The following AP5M1 variants were observed in gnomAD, a reference collection of about 807,000 sequenced individuals.
The protein encoded by AP5M1 is AP-5 complex subunit mu-1.
In AP5M1, 44 loss-of-function variants were observed where a neutral mutation model predicts 52.3. The ratio of observed to expected loss-of-function variants is 0.84; its 90% CI spans 0.66 to 1.08. The LOEUF is 1.08. Among genes scored for constraint, AP5M1 ranks in the 50% least tolerant of loss-of-function variants. The pLI is 0.00. For synonymous variants in AP5M1, 213 were observed against 199.0 expected (o/e 1.07, Z -0.59); for missense variants, 526 against 568.4 (o/e 0.93, Z 0.76).
At position 57,297,232 on chromosome 14, in the gene AP5M1, CTAAAT is replaced by C. The variant is rs969473852; in HGVS notation, c.*8354_*8358del. The C allele has an allele frequency of 6.6e-6, 1 of 151,816 alleles. No homozygotes were observed. The highest frequency in any genetic ancestry group is 1.5e-5 in the Non-Finnish European group (1 of 67,948). 9.4% of individuals were successfully genotyped at this position (151,816 alleles called of 1,614,324 possible). On this transcript the variant is annotated 3_prime_UTR_variant, in exon 8 of 8. Transcript: ENST00000261558. ...ATATTTAATTTATTATACTGAAATA[CTAAAT>C]TAAATACAAAAAAACTCCTACATAC...
Position 57,282,177 on chromosome 14 carries a change from G to A in AP5M1, c.1037G>A (p.Ser346Asn). The change falls in exon 4 of 8, where the codon AGT becomes AAT. Residue 346 changes from serine to asparagine, a missense_variant. Coordinates refer to ENST00000261558, the MANE Select transcript of AP5M1 (RefSeq NM_018229.4). ...ACCATTAATTTAAAACTTCATGAAAGTGTGAAAAATAATTTTGAATTCTGT... is the reference window on the plus strand; with the variant it reads ...ACCATTAATTTAAAACTTCATGAAAATGTGAAAAATAATTTTGAATTCTGT... The part of the protein sequence containing the change: ...RITINLKLHE[S>N]VKNNFEFCEA... The A allele has an allele frequency of 7.6e-6, 12 of 1,576,084 alleles. No individual in the cohort carries two copies. Among genetic ancestry groups the A allele is most frequent in the Non-Finnish European group, 1.0e-5 (12 of 1,165,766 alleles).
At chr14:57,283,604 T>G (rs560214860) in intron 6 of AP5M1, among the ~76,000 whole-genome samples, 17 of 152,100 alleles carry the variant, frequency 1.1e-4, no homozygotes, top group Admixed American at 2.6e-4. Flanking sequence ...ACAAGGGTTT[T>G]TTTGTTTGTT....
rs935563988 is a variant in AP5M1, at chr14:57,290,287, A to G, written c.*1403A>G. On this transcript the variant is annotated 3_prime_UTR_variant, in exon 8 of 8. Transcript: ENST00000261558. ...AAGGTTCTATGTTCAAAATTATCCC[A>G]AGTAACAAAGAAAAAAAGAATAACT... The G allele has an allele frequency of 2.0e-5, 3 of 152,002 alleles. No homozygotes were observed. Among genetic ancestry groups the G allele is most frequent in the African/African-American group, 7.2e-5 (3 of 41,432 alleles). 9.4% of individuals were successfully genotyped at this position (152,002 alleles called of 1,614,324 possible). A position where few individuals can be genotyped will look rare whatever the true frequency, so the allele number is the denominator to read the frequency against.
Position 57,271,699 on chromosome 14 carries a change from G to A in AP5M1, c.74+2311G>A, listed in dbSNP as rs528990232. Among the ~76,000 whole-genome samples, 8 of 152,250 alleles carry A rather than the reference G, an allele frequency of 5.3e-5. No individual in the cohort carries two copies. The South Asian group carries it at 1.7e-3, about 32-fold the overall frequency. On this transcript the variant is annotated intron_variant, in intron 1 of 7. Coordinates refer to ENST00000261558, the MANE Select transcript of AP5M1 (RefSeq NM_018229.4). ...TTTGATGCAATCAAACTAGTTAATT[G>A]CTTTTGGGAATTTGTTGAAGTTTTT...
chr14:57,273,606 T>C (rs1234467192), intron 1 of AP5M1: 1 of 615,896 alleles, frequency 1.6e-6, no homozygotes, highest in South Asian at 2.0e-5. Flanking sequence ...ACTCAGAATA[T>C]GCAAAAACAT....
At position 57,290,182 on chromosome 14, in the gene AP5M1, T is replaced by C. The variant is rs1885407927; in HGVS notation, c.*1298T>C. 6.6e-6 allele frequency: 1 copy of C among 151,936 alleles called. No individual in the cohort carries two copies. The highest frequency in any genetic ancestry group is 2.1e-4 in the South Asian group (1 of 4,820). The allele number at this position is 151,936 out of a possible 1,614,324, so 9.4% of individuals were successfully genotyped here. The stretch of plus-strand genomic sequence containing the variant: ...AGTTTAAAGGTATAGGGCATATAAA[T>C]TTAGGATTTGAAATATGATTTTTTA... On this transcript the variant is annotated 3_prime_UTR_variant, in exon 8 of 8. Transcript: ENST00000261558.
At chr14:57,285,308 A>G (rs1215222541) in intron 6 of AP5M1, among the ~76,000 whole-genome samples, 1 of 152,202 alleles carries the variant, frequency 6.6e-6, no homozygotes, top group Non-Finnish European at 1.5e-5. Flanking sequence ...CACACATTCT[A>G]TGTCCTTCAA....
chr14:57,274,857 AC>A lies in AP5M1; in HGVS notation c.689del (p.Thr230AsnfsTer8), dbSNP rs773222664. 5 of 1,614,094 alleles carry A rather than the reference AC, an allele frequency of 3.1e-6. No individual in the cohort carries two copies. In the East Asian group the frequency reaches 8.9e-5, roughly 29 times the overall value. On this transcript the variant is annotated frameshift_variant, in exon 2 of 8. Coordinates refer to ENST00000261558, the MANE Select transcript of AP5M1 (RefSeq NM_018229.4). LOFTEE classifies it high-confidence loss of function. ...MQYDKQGIADTWQVVGTVTCK... is the reference protein window; with the variant it reads ...MQYDKQGIADXWQVVGTVTCK... ...ATATGATAAACAGGGTATAGCAGAT[AC>A]ATGGCAAGTTGTTGGAACAGTGACT...
intron 1 of AP5M1, among the ~76,000 whole-genome samples, chr14:57,272,397 C>T (rs1420342971): frequency 6.6e-6 from 1 of 152,148 alleles, no homozygotes; most frequent in Non-Finnish European, 1.5e-5. Flanking sequence ...TTTCCTATAA[C>T]AAAACTTGGT....
rs377254820 is a variant in AP5M1 at position 57,275,074 on chromosome 14, T to C, written c.720+185T>C. The C allele has an allele frequency of 7.8e-6, 5 of 642,592 alleles. No individual in the cohort carries two copies. The South Asian group carries it at 7.9e-5, about 10-fold the overall frequency. 39.8% of individuals were successfully genotyped at this position (642,592 alleles called of 1,614,324 possible). On this transcript the variant is annotated intron_variant, in intron 2 of 7. Transcript: ENST00000261558. ...CCTTACCAATTATATTAGTTATCTG[T>C]GGCTGTGTAAAGAATTGTCTCATTG...
Position 57,274,291 on chromosome 14 carries a change from G to C in AP5M1, c.122G>C (p.Ser41Thr). 1.2e-6 allele frequency: 2 copies of C among 1,614,138 alleles called. No homozygotes were observed. The highest frequency in any genetic ancestry group is 1.1e-5 in the South Asian group (1 of 91,080). ...EKRARVFNGA[S>T]YVPVPEDGPF... ...CGAGCCAGAGTCTTCAATGGAGCAA[G>C]TTATGTGCCTGTTCCTGAAGATGGT... Residue 41 changes from serine to threonine, a missense_variant, in exon 2 of 8, where the codon AGT becomes ACT. By Grantham distance (58) the Ser-to-Thr change is moderately conservative. This residue lies in a region of AP5M1 where 425 missense variants were observed against 430.6 expected (regional missense o/e 0.99). Transcript: ENST00000261558.
In AP5M1 at chr14:57,291,419, A is replaced by G. The variant is rs1885431753; in HGVS notation, c.*2535A>G. On this transcript the variant is annotated 3_prime_UTR_variant, in exon 8 of 8. Transcript: ENST00000261558. ...TTTTTTAGAATGAACTCCAGAAAAGATCGTTCATGATTTTGTAAACGCTTC... is the reference window on the plus strand; with the variant it reads ...TTTTTTAGAATGAACTCCAGAAAAGGTCGTTCATGATTTTGTAAACGCTTC... 6.6e-6 allele frequency: 1 copy of G among 151,852 alleles called. No individual in the cohort carries two copies. Among genetic ancestry groups the G allele is most frequent in the African/African-American group, 2.4e-5 (1 of 41,414 alleles). The allele number at this position is 151,852 out of a possible 1,614,324, so 9.4% of individuals were successfully genotyped here. A position where few individuals can be genotyped will look rare whatever the true frequency, so the allele number is the denominator to read the frequency against.
In AP5M1 at chr14:57,288,963, A is replaced by G. The variant is rs2139698730; in HGVS notation, c.*79A>G. The G allele has an allele frequency of 2.4e-6, 2 of 822,514 alleles. No homozygotes were observed. Among genetic ancestry groups the G allele is most frequent in the Non-Finnish European group, 1.9e-6 (1 of 523,132 alleles). The allele number at this position is 822,514 out of a possible 1,614,324, so 51.0% of individuals were successfully genotyped here. A position where few individuals can be genotyped will look rare whatever the true frequency, so the allele number is the denominator to read the frequency against. On this transcript the variant is annotated 3_prime_UTR_variant, in exon 8 of 8. Transcript: ENST00000261558. ...AATCTTATATTTTTAATGTGGATGC[A>G]TATAACCTGTGAGTGAAAAATCACT...
At chr14:57,281,242 A>G (rs1208010027) in intron 3 of AP5M1, among the ~76,000 whole-genome samples, 2 of 152,170 alleles carry the variant, frequency 1.3e-5, no homozygotes, top group Non-Finnish European at 2.9e-5. Context: ...AATGACTTGC[A>G]CCACGTCTAT....
Position 57,293,184 on chromosome 14 carries a change from T to C in AP5M1, c.*4300T>C, listed in dbSNP as rs946199994. 2 of 151,704 alleles carry C rather than the reference T, an allele frequency of 1.3e-5. No homozygotes were observed. Among genetic ancestry groups the C allele is most frequent in the African/African-American group, 2.4e-5 (1 of 41,392 alleles). The allele number at this position is 151,704 out of a possible 1,614,324, so 9.4% of individuals were successfully genotyped here. A position where few individuals can be genotyped will look rare whatever the true frequency, so the allele number is the denominator to read the frequency against. ...CTGTTTCAATAGCAATGTCAGTCTTTATCTTGTAAGATGTCAAATCGGGAT... is the reference window on the plus strand; with the variant it reads ...CTGTTTCAATAGCAATGTCAGTCTTCATCTTGTAAGATGTCAAATCGGGAT... On this transcript the variant is annotated 3_prime_UTR_variant, in exon 8 of 8. Coordinates refer to ENST00000261558, the MANE Select transcript of AP5M1 (RefSeq NM_018229.4).
At chr14:57,271,550 G>A (rs546049729) in intron 1 of AP5M1, among the ~76,000 whole-genome samples, 17 of 152,102 alleles carry the variant, frequency 1.1e-4, no homozygotes, top group South Asian at 1.0e-3. Context: ...CTCTGAATTT[G>A]TAGGAGTTTG....
chr14:57,286,347 A>G, intron 7 of AP5M1, 28 bp downstream of exon 7: 2 of 1,402,748 alleles, frequency 1.4e-6, no homozygotes. Context: ...AAACTAACTT[A>G]AGGGAATTAA....
chr14:57,279,667 A>G (rs1885126149), intron 2 of AP5M1, among the ~76,000 whole-genome samples: 1 of 152,222 alleles, frequency 6.6e-6, no homozygotes, highest in South Asian at 2.1e-4. Context: ...CATCCTGCAC[A>G]TGTACCCTGG....
chr14:57,285,247 T>C (rs777791498), intron 6 of AP5M1, among the ~76,000 whole-genome samples: 7 of 152,200 alleles, frequency 4.6e-5, no homozygotes, highest in Non-Finnish European at 1.0e-4. Flanking sequence ...CAAGGATTAT[T>C]ATAAAAATTC....
Sources: allele counts gnomAD v4.1 joint callset (sites outside exome capture counted in the v4.1 genomes callset), GRCh38; gene constraint gnomAD v4.1.1; regional missense constraint gnomAD v4.1.1; transcripts MANE v1.5; gene names NCBI Gene and HGNC (gene_info 2026-07-23, HGNC 2026-07-21).